Variants in CEACAM19 observed in about 807,000 individuals in gnomAD.
CEACAM19 encodes CEA cell adhesion molecule 19.
Under a neutral mutation model 37.6 loss-of-function variants are expected in CEACAM19, and 37 were observed. The observed-to-expected ratio is 0.98, with a 90% CI of 0.76 to 1.29. CEACAM19 has a LOEUF of 1.29. Among genes scored for constraint, CEACAM19 ranks in the 50% most tolerant of loss-of-function variants. The pLI, the probability that CEACAM19 is intolerant of heterozygous loss-of-function variation, is 0.00. For synonymous variants in CEACAM19, 140 were observed against 149.8 expected (o/e 0.93, Z 0.48); for missense variants, 340 against 375.6 (o/e 0.91, Z 0.78).
chr19:44,668,671 A>ATATATTATATATTATAATATATTATATAT (rs1158878828), upstream of CEACAM19, among the ~76,000 whole-genome samples: 10 of 76,898 alleles, frequency 1.3e-4, no homozygotes, highest in South Asian at 1.1e-3. Flanking sequence ...AATTATATAC[A>ATATATTATATATTATAATATATTATATAT]TATATTATAT....
intron 2 of CEACAM19, among the ~76,000 whole-genome samples, chr19:44,674,570 T>C (rs1973913622): frequency 6.6e-6 from 1 of 152,078 alleles, no homozygotes; most frequent in Non-Finnish European, 1.5e-5. Context: ...CCAGCTAATT[T>C]TTTTTATTTA....
At chr19:44,668,226 A>ATGTTATATTTATATAATATGTTTATATAT (rs1354040903), upstream of CEACAM19, among the ~76,000 whole-genome samples, 4 of 85,280 alleles carry the variant, frequency 4.7e-5, no homozygotes, top group Non-Finnish European at 8.0e-5. Flanking sequence ...TAATATTTAT[A>ATGTTATATTTATATAATATGTTTATATAT]TATTATATTT....
At chr19:44,673,128 C>A (rs1328316370) in intron 2 of CEACAM19, among the ~76,000 whole-genome samples, 164 bp downstream of exon 2, 2 of 152,204 alleles carry the variant, frequency 1.3e-5, no homozygotes, top group Non-Finnish European at 2.9e-5. Flanking sequence ...AGTCTTTAAC[C>A]CTCACATGCA....
chr19:44,682,476 C>A, intron 6 of CEACAM19, 91 bp from the exon 7 acceptor site: 4 of 1,313,166 alleles, frequency 3.0e-6, no homozygotes, highest in Non-Finnish European at 4.3e-6. Context: ...GTGATGGGGA[C>A]TTGGAATCTG....
chr19:44,676,416 C>T lies in CEACAM19; in HGVS notation c.570C>T (p.Ser190=), dbSNP rs1199383355. ...TGACAAGGAACTGGAGGGGCCAGAGCCACAGGTACAGGGTCCCCAAGTGTC... is the reference window on the plus strand; with the variant it reads ...TGACAAGGAACTGGAGGGGCCAGAGTCACAGGTACAGGGTCCCCAAGTGTC... ...LLVTRNWRGQ[S]HRLPAPRGQG... is the part of the protein sequence containing the mutation. Residue 190 remains serine (S), a synonymous_variant, in exon 3 of 8, where the codon AGC becomes AGT. Coordinates refer to ENST00000358777, the MANE Select transcript of CEACAM19 (RefSeq NM_001127893.3). The T allele has an allele frequency of 6.2e-7, 1 of 1,613,916 alleles. No individual in the cohort carries two copies. The highest frequency in any genetic ancestry group is 1.3e-5 in the African/African-American group (1 of 74,876).
At chr19:44,681,090 C>A in intron 5 of CEACAM19, 137 bp from the exon 6 acceptor site, 1 of 661,040 alleles carries the variant, frequency 1.5e-6, no homozygotes. Flanking sequence ...GCACTGTGTC[C>A]CCAGCACTGG....
chr19:44,675,478 G>C (rs981002027), intron 2 of CEACAM19, among the ~76,000 whole-genome samples: 1 of 151,934 alleles, frequency 6.6e-6, no homozygotes, highest in Non-Finnish European at 1.5e-5. Context: ...ATCATCAACC[G>C]AAGTGAGAAA....
At chr19:44,674,106 C>T (rs1973904158) in intron 2 of CEACAM19, among the ~76,000 whole-genome samples, 1 of 152,054 alleles carries the variant, frequency 6.6e-6, no homozygotes, top group African/African-American at 2.4e-5. Flanking sequence ...ATTAGCTGGG[C>T]ATGGTGGTAG....
intron 2 of CEACAM19, among the ~76,000 whole-genome samples, chr19:44,675,983 C>G (rs1430552411): frequency 3.3e-5 from 5 of 151,836 alleles, no homozygotes; most frequent in African/African-American, 1.2e-4. Context: ...GTTGCCCAGG[C>G]TGGTCTTGAA....
rs552519366 is a variant in CEACAM19 at position 44,683,394 on chromosome 19, C to G, written c.847-43C>G. 9.0e-5 allele frequency: 78 copies of G among 869,096 alleles called. No homozygotes were observed. The South Asian group carries it at 1.2e-3, about 13-fold the overall frequency. The allele number at this position is 869,096 out of a possible 1,614,324, so 53.8% of individuals were successfully genotyped here. On this transcript the variant is annotated intron_variant, in intron 7 of 7. Coordinates refer to ENST00000358777, the MANE Select transcript of CEACAM19 (RefSeq NM_001127893.3). ...CTCTCTGTCTCCCCAAGACTCTCCC[C>G]CTCCACCCAGTCATAATTCTGTTCT... is the stretch of plus-strand genomic sequence containing the variant.
chr19:44,682,685 G>A (rs1194038760), intron 7 of CEACAM19, 65 bp downstream of exon 7: 1 of 1,470,820 alleles, frequency 6.8e-7, no homozygotes. Flanking sequence ...CGAAGCCGGG[G>A]TGGGGAGGGG....
upstream of CEACAM19, among the ~76,000 whole-genome samples, chr19:44,666,681 G>C (rs1599781826): frequency 6.6e-6 from 1 of 152,008 alleles, no homozygotes. Flanking sequence ...TGGATTCTGA[G>C]GGTACTCTGA....
rs541122975 is a variant in CEACAM19, at chr19:44,683,702, C to T, written c.*212C>T. On this transcript the variant is annotated 3_prime_UTR_variant, in exon 8 of 8. Transcript: ENST00000358777. ...GGTCCTTGTGCAGCCCGTGAATGCACGCCCGCCTTCGGTCTGTTCCTTCAA... is the reference window on the plus strand; with the variant it reads ...GGTCCTTGTGCAGCCCGTGAATGCATGCCCGCCTTCGGTCTGTTCCTTCAA... The T allele has an allele frequency of 4.6e-4, 186 of 406,676 alleles. No homozygotes were observed. The highest frequency in any genetic ancestry group is 3.1e-3 in the African/African-American group (152 of 49,028). The allele number at this position is 406,676 out of a possible 1,614,324, so 25.2% of individuals were successfully genotyped here.
chr19:44,683,611 G>T lies in CEACAM19; in HGVS notation c.*121G>T. On this transcript the variant is annotated 3_prime_UTR_variant, in exon 8 of 8. Transcript: ENST00000358777. ...CTGTGGGGCCGATGAGGTGGACTCA[G>T]CCAAAGACTCAGCAGCACATGGGGC... 1.8e-6 allele frequency: 1 copy of T among 563,370 alleles called. No homozygotes were observed. Among genetic ancestry groups the T allele is most frequent in the Non-Finnish European group, 3.1e-6 (1 of 325,596 alleles). 34.9% of individuals were successfully genotyped at this position (563,370 alleles called of 1,614,324 possible).
rs1973857778 is a variant in CEACAM19, at chr19:44,671,736, C to T, written c.-196C>T. The T allele has an allele frequency of 9.3e-6, 5 of 535,928 alleles. No individual in the cohort carries two copies. Among genetic ancestry groups the T allele is most frequent in the Non-Finnish European group, 1.7e-5 (5 of 298,818 alleles). 33.2% of individuals were successfully genotyped at this position (535,928 alleles called of 1,614,324 possible). A position where few individuals can be genotyped will look rare whatever the true frequency, so the allele number is the denominator to read the frequency against. ...AACTGGTTCAACCTCTGTCTGTGCTCCCATCCCAGGGAGTATAGGTGGAGC... is the reference window on the plus strand; with the variant it reads ...AACTGGTTCAACCTCTGTCTGTGCTTCCATCCCAGGGAGTATAGGTGGAGC... On this transcript the variant is annotated 5_prime_UTR_variant, in exon 1 of 8. Transcript: ENST00000358777.
At chr19:44,678,964 G>A in intron 4 of CEACAM19, 28 bp downstream of exon 4, 1 of 1,611,880 alleles carries the variant, frequency 6.2e-7, no homozygotes, top group Non-Finnish European at 8.5e-7. Flanking sequence ...CTTATTTAGT[G>A]AACTAACAAA....
upstream of CEACAM19, among the ~76,000 whole-genome samples, chr19:44,669,411 A>G (rs749048494): frequency 7.2e-5 from 11 of 152,042 alleles, no homozygotes; most frequent in Non-Finnish European, 1.3e-4. Flanking sequence ...AGTGTGGGTC[A>G]CCTGTGCCTC....
At position 44,674,217 on chromosome 19, in the gene CEACAM19, G is replaced by C. The variant is rs554491061; in HGVS notation, c.424+1253G>C. Among the ~76,000 whole-genome samples, 125 of 150,888 alleles carry C rather than the reference G, an allele frequency of 8.3e-4. 1 individual carries two copies. The highest frequency in any genetic ancestry group is 2.9e-3 in the African/African-American group (120 of 41,052). ...ATCATGCCACTGCACTCCAGCCTGG[G>C]CAACAGAGCAAGACTCCATCTCAAA... On this transcript the variant is annotated intron_variant, in intron 2 of 7. Transcript: ENST00000358777.
At chr19:44,674,071 C>A (rs1043207792) in intron 2 of CEACAM19, among the ~76,000 whole-genome samples, 1 of 152,034 alleles carries the variant, frequency 6.6e-6, no homozygotes, top group Non-Finnish European at 1.5e-5. Flanking sequence ...CATGGTAAAA[C>A]CCCGTCTCTG....
Sources: allele counts gnomAD v4.1 joint callset (sites outside exome capture counted in the v4.1 genomes callset), GRCh38; gene constraint gnomAD v4.1.1; transcripts MANE v1.5; gene names NCBI Gene and HGNC (gene_info 2026-07-23, HGNC 2026-07-21).